Variants in SYT2 observed in about 807,000 individuals in gnomAD.
SYT2 encodes the protein synaptotagmin 2.
In SYT2, 15 loss-of-function variants were observed where a neutral mutation model predicts 39.9. The ratio of observed to expected loss-of-function variants is 0.38; its 90% CI spans 0.25 to 0.58. The LOEUF (loss-of-function observed/expected upper bound fraction) is 0.58, where lower values mean the gene tolerates loss of function less well. Among genes scored for constraint, SYT2 ranks in the 20% least tolerant of loss-of-function variants. The pLI is 0.70. For missense variants in SYT2, 389 were observed against 530.3 expected (o/e 0.73, Z 2.62); for synonymous variants, 181 against 204.5 (o/e 0.89, Z 0.98).
rs112433257 is a variant in SYT2, at chr1:202,707,264, A to T, written c.-18+2994T>A. Among the ~76,000 whole-genome samples, 870 of 152,310 alleles carry T rather than the reference A, an allele frequency of 5.7e-3. 7 individuals carry two copies. Among genetic ancestry groups the T allele is most frequent in the African/African-American group, 0.019 (804 of 41,564 alleles). On this transcript the variant is annotated intron_variant, in intron 1 of 8. Transcript: ENST00000367268. Reference sequence around the variant, plus strand: ...CACATGGTAGGTACTCACTAATAAAATACTTGTTGCAAATGTCAGACTTTG... The same window carrying T: ...CACATGGTAGGTACTCACTAATAAATTACTTGTTGCAAATGTCAGACTTTG...
chr1:202,706,242 C>T (rs1034448631), intron 1 of SYT2, among the ~76,000 whole-genome samples: 5 of 152,030 alleles, frequency 3.3e-5, no homozygotes, highest in East Asian at 1.9e-4. Context: ...GCATAAAAAC[C>T]GTCTTCGAGT....
Position 202,621,737 on chromosome 1 carries a change from C to A in SYT2, c.-17-15948G>T, listed in dbSNP as rs76698457. ...CCTGCCCCCCTCACCCTCAGAGGACCCCTAGGCTCTCACCTTGCCTCTCTT... is the reference window on the plus strand; with the variant it reads ...CCTGCCCCCCTCACCCTCAGAGGACACCTAGGCTCTCACCTTGCCTCTCTT... On this transcript the variant is annotated intron_variant, in intron 1 of 8. Coordinates refer to ENST00000367268, the MANE Select transcript of SYT2 (RefSeq NM_177402.5). Among the ~76,000 whole-genome samples, 1,036 of 152,276 alleles carry A rather than the reference C, an allele frequency of 6.8e-3. 15 individuals are homozygous for A. Among genetic ancestry groups the A allele is most frequent in the East Asian group, 0.063 (327 of 5,180 alleles).
chr1:202,652,693 A>G (rs1378152976), intron 1 of SYT2, among the ~76,000 whole-genome samples: 1 of 152,202 alleles, frequency 6.6e-6, no homozygotes, highest in Non-Finnish European at 1.5e-5. Context: ...GGGGCCGGGC[A>G]TCAGTCATTC....
intron 5 of SYT2, 127 bp downstream of exon 5, chr1:202,602,251 G>T: frequency 8.0e-7 from 1 of 1,251,250 alleles, no homozygotes; most frequent in Non-Finnish European, 1.1e-6. Flanking sequence ...GGCCGGGGTA[G>T]CCCTGCAGTC....
intron 1 of SYT2, among the ~76,000 whole-genome samples, chr1:202,684,252 C>T (rs779940740): frequency 6.6e-6 from 1 of 152,156 alleles, no homozygotes; most frequent in South Asian, 2.1e-4. Context: ...AGCTACTAGT[C>T]CTGCTCATCC....
rs527480274 is a variant in SYT2 at position 202,681,924 on chromosome 1, C to T, written c.-18+28334G>A. On this transcript the variant is annotated intron_variant, in intron 1 of 8. Coordinates refer to ENST00000367268, the MANE Select transcript of SYT2 (RefSeq NM_177402.5). ...CCTCCGTGGGGATCAGATCCAAGAC[C>T]GTGACCTCATCAGCTACCCCTTCAA... 3.3e-5 allele frequency among the ~76,000 whole-genome samples: 5 copies of T among 152,302 alleles called. No homozygotes were observed. The South Asian group carries it at 6.2e-4, about 19-fold the overall frequency.
chr1:202,603,382 CTG>C (rs930970093), intron 3 of SYT2, among the ~76,000 whole-genome samples: 1 of 152,154 alleles, frequency 6.6e-6, no homozygotes, highest in African/African-American at 2.4e-5. Flanking sequence ...CTGAGACACA[CTG>C]TGCTATGGGA....
chr1:202,631,866 T>C (rs986087462), intron 1 of SYT2, among the ~76,000 whole-genome samples: 1 of 152,190 alleles, frequency 6.6e-6, no homozygotes, highest in Admixed American at 6.5e-5. Flanking sequence ...CTGACCTAGA[T>C]GAAATTTGAG....
intron 1 of SYT2, among the ~76,000 whole-genome samples, chr1:202,650,887 C>A (rs373760926): frequency 6.6e-6 from 1 of 151,668 alleles, no homozygotes; most frequent in Non-Finnish European, 1.5e-5. Context: ...CAAGGAAAGG[C>A]GGGTGTTTCA....
At chr1:202,620,995 T>C (rs1691189378) in intron 1 of SYT2, among the ~76,000 whole-genome samples, 1 of 152,152 alleles carries the variant, frequency 6.6e-6, no homozygotes, top group African/African-American at 2.4e-5. Context: ...GGAGTGAGCA[T>C]GATACCTGTG....
chr1:202,684,272 G>A (rs1653602039), intron 1 of SYT2, among the ~76,000 whole-genome samples: 1 of 151,884 alleles, frequency 6.6e-6, no homozygotes, highest in South Asian at 2.1e-4. Context: ...CTACATGACT[G>A]CAAGTTGTAC....
chr1:202,591,322 C>T lies in SYT2; in HGVS notation c.*5435G>A, dbSNP rs530567125. 1 of 152,798 alleles carries T rather than the reference C, an allele frequency of 6.5e-6. No homozygotes were observed. Among genetic ancestry groups the T allele is most frequent in the African/African-American group, 2.4e-5 (1 of 41,604 alleles). 9.5% of individuals were successfully genotyped at this position (152,798 alleles called of 1,614,324 possible). A position where few individuals can be genotyped will look rare whatever the true frequency, so the allele number is the denominator to read the frequency against. ...TCCTTCCTCATACTTGTCACAGTTGCCAGGCCTGAGGCATCCTGGGCTCTT... is the reference window on the plus strand; with the variant it reads ...TCCTTCCTCATACTTGTCACAGTTGTCAGGCCTGAGGCATCCTGGGCTCTT... On this transcript the variant is annotated 3_prime_UTR_variant, in exon 9 of 9. Coordinates refer to ENST00000367268, the MANE Select transcript of SYT2 (RefSeq NM_177402.5).
Position 202,602,373 on chromosome 1 carries a change from A to C in SYT2, c.633+5T>G. The C allele has an allele frequency of 6.2e-7, 1 of 1,612,696 alleles. No individual in the cohort carries two copies. Among genetic ancestry groups the C allele is most frequent in the Non-Finnish European group, 8.5e-7 (1 of 1,179,054 alleles). ...AGCTGGAGTCACCCTTCCAGCCCTC[A>C]GCACCTTGAAGGTGAAGGTTTCATT... On this transcript the variant is annotated splice_donor_5th_base_variant and intron_variant, in intron 5 of 8. Transcript: ENST00000367268.
chr1:202,656,036 C>T (rs917033925), intron 1 of SYT2, among the ~76,000 whole-genome samples: 29 of 152,110 alleles, frequency 1.9e-4, no homozygotes, highest in Admixed American at 3.3e-4. Flanking sequence ...TTATTGTGTG[C>T]AGAGAGGAGT....
At chr1:202,684,374 T>C (rs541813017) in intron 1 of SYT2, among the ~76,000 whole-genome samples, 1 of 152,072 alleles carries the variant, frequency 6.6e-6, no homozygotes, top group South Asian at 2.1e-4. Flanking sequence ...CACATATAAG[T>C]GAGATTATAC....
At position 202,592,336 on chromosome 1, in the gene SYT2, G is replaced by A. The variant is rs1690150223; in HGVS notation, c.*4421C>T. On this transcript the variant is annotated 3_prime_UTR_variant, in exon 9 of 9. Coordinates refer to ENST00000367268, the MANE Select transcript of SYT2 (RefSeq NM_177402.5). ...CATCTCCCAAGGCAGGGCTGGACTG[G>A]AGCAGGCACCGACTCCCGCCCACTG... 6.5e-6 allele frequency: 1 copy of A among 152,712 alleles called. No homozygotes were observed. Among genetic ancestry groups the A allele is most frequent in the African/African-American group, 2.4e-5 (1 of 41,472 alleles). 9.5% of individuals were successfully genotyped at this position (152,712 alleles called of 1,614,324 possible).
At chr1:202,704,780 C>T (rs1208962735) in intron 1 of SYT2, among the ~76,000 whole-genome samples, 1 of 151,800 alleles carries the variant, frequency 6.6e-6, no homozygotes, top group East Asian at 1.9e-4. Flanking sequence ...ACAGATAGGG[C>T]TGCTGAGGCT....
chr1:202,636,502 A>G (rs1691742812), intron 1 of SYT2: 1 of 666,508 alleles, frequency 1.5e-6, no homozygotes, highest in Non-Finnish European at 1.9e-6. Context: ...ATCCCTCTCC[A>G]CATTTTTTAA....
chr1:202,707,849 G>A (rs1042808345), intron 1 of SYT2, among the ~76,000 whole-genome samples: 1 of 152,214 alleles, frequency 6.6e-6, no homozygotes, highest in Admixed American at 6.5e-5. Flanking sequence ...GGTCCCCAGG[G>A]CTTGAGAAGG....
Sources: gnomAD v4.1 joint callset for allele counts (sites outside exome capture counted in the v4.1 genomes callset) on GRCh38, gnomAD v4.1.1 for gene constraint, MANE v1.5 for transcripts, NCBI Gene and HGNC (gene_info 2026-07-23, HGNC 2026-07-21) for gene names.